KIF16B: variants seen among roughly 807,000 people sequenced by gnomAD.
The protein encoded by KIF16B is kinesin family member 16B.
KIF16B carries 98 observed loss-of-function variants against 156.3 expected under a neutral mutation model. That is an observed-to-expected ratio of 0.63 (90% CI 0.53 to 0.74). The LOEUF is 0.74. Among genes scored for constraint, KIF16B ranks in the 30% least tolerant of loss-of-function variants. The probability of loss-of-function intolerance (pLI) is 0.00; values close to 1 mark genes in which losing one functional copy is unlikely to be tolerated. For synonymous variants in KIF16B, 564 were observed against 583.7 expected, an observed-to-expected ratio of 0.97 and a Z score of 0.49; for missense variants, 1,421 against 1,606.5, an observed-to-expected ratio of 0.88 and a Z score of 1.97.
At chr20:16,497,939 C>T (rs925213362) in intron 10 of KIF16B, among the ~76,000 whole-genome samples, 2 of 146,806 alleles carry the variant, frequency 1.4e-5, no homozygotes, top group Non-Finnish European at 3.1e-5. Context: ...AACATATTGA[C>T]ATTTTACCAA....
chr20:16,338,523 C>T (rs1313660089), intron 23 of KIF16B, among the ~76,000 whole-genome samples: 1 of 152,148 alleles, frequency 6.6e-6, no homozygotes, highest in Non-Finnish European at 1.5e-5. Context: ...ACACCCTGAC[C>T]TCTAATGTCC....
chr20:16,331,392 T>C (rs545994924), intron 24 of KIF16B, among the ~76,000 whole-genome samples: 1 of 152,180 alleles, frequency 6.6e-6, no homozygotes, highest in Non-Finnish European at 1.5e-5. Context: ...TTAGACAAAG[T>C]TCCAAAAGAC....
rs751994693 is a variant in KIF16B, at chr20:16,371,640, G to A, written c.3447+25C>T. 2.1e-5 allele frequency: 28 copies of A among 1,335,548 alleles called. No individual in the cohort carries two copies. In the Middle Eastern group the frequency reaches 5.6e-4, roughly 26 times the overall value. 82.7% of individuals were successfully genotyped at this position (1,335,548 alleles called of 1,614,324 possible). On this transcript the variant is annotated intron_variant, in intron 21 of 25. Transcript: ENST00000354981. The stretch of plus-strand genomic sequence containing the variant: ...GAAAGATGAACGAACTTGTTACTTC[G>A]TGTTACTTGGCTCCTTCAGCTTACC...
chr20:16,561,165 G>A (rs138880918), intron 1 of KIF16B, among the ~76,000 whole-genome samples: 4 of 152,078 alleles, frequency 2.6e-5, no homozygotes, highest in African/African-American at 7.2e-5. Flanking sequence ...GTGGTGGCGG[G>A]TATCTGTAAT....
At chr20:16,466,621 G>A (rs2067498609) in intron 12 of KIF16B, among the ~76,000 whole-genome samples, 1 of 152,190 alleles carries the variant, frequency 6.6e-6, no homozygotes, top group East Asian at 1.9e-4. Flanking sequence ...TGCCACGATT[G>A]TGAGGCCTCC....
chr20:16,528,572 C>A, intron 1 of KIF16B, 132 bp from the exon 2 acceptor site: 1 of 658,138 alleles, frequency 1.5e-6, no homozygotes, highest in Non-Finnish European at 2.7e-6. Context: ...GGAGCAATCC[C>A]AGACACGGCT....
At chr20:16,484,742 T>C (rs2146863736) in intron 12 of KIF16B, among the ~76,000 whole-genome samples, 1 of 152,234 alleles carries the variant, frequency 6.6e-6, no homozygotes, top group East Asian at 1.9e-4. Flanking sequence ...GAGAGACAAA[T>C]GATATCTCAA....
chr20:16,554,105 A>G (rs1175280831), intron 1 of KIF16B, among the ~76,000 whole-genome samples: 2 of 152,172 alleles, frequency 1.3e-5, no homozygotes, highest in Admixed American at 6.5e-5. Flanking sequence ...GGGTAGAAAG[A>G]AGGAGGTGGG....
At chr20:16,545,560 GA>G (rs1358604108) in intron 1 of KIF16B, among the ~76,000 whole-genome samples, 1 of 152,136 alleles carries the variant, frequency 6.6e-6, no homozygotes, top group Non-Finnish European at 1.5e-5. Context: ...AACTACTCAG[GA>G]GGCTGAGGCA....
intron 24 of KIF16B, among the ~76,000 whole-genome samples, chr20:16,326,277 A>G (rs1158669367): frequency 6.7e-6 from 1 of 149,682 alleles, no homozygotes; most frequent in African/African-American, 2.4e-5. Context: ...AGCAAATGCA[A>G]CAAAAAAAAA....
chr20:16,303,740 AAACC>A lies in KIF16B; in HGVS notation c.3795+8591_3795+8594del, dbSNP rs531181044. On this transcript the variant is annotated intron_variant, in intron 25 of 25. Transcript: ENST00000354981. ...ATAAAACATAAAATACTTTGTAACA[AAACC>A]AACCAATCAACAAGCAAAAAACTTT... Among the ~76,000 whole-genome samples the A allele has an allele frequency of 1.7e-3, 257 of 152,334 alleles. 2 individuals are homozygous for A. The highest frequency in any genetic ancestry group is 5.1e-3 in the African/African-American group (212 of 41,564).
chr20:16,440,126 A>AAAGCAAAGAATAGGTCC (rs2066752466), intron 12 of KIF16B, among the ~76,000 whole-genome samples: 2 of 152,270 alleles, frequency 1.3e-5, no homozygotes, highest in South Asian at 4.1e-4. Context: ...GTCCCTGCAG[A>AAAGCAAAGAATAGGTCC]AAGCAAAGAA....
At chr20:16,459,128 TC>T (rs1297610944) in intron 12 of KIF16B, among the ~76,000 whole-genome samples, 1 of 152,192 alleles carries the variant, frequency 6.6e-6, no homozygotes, top group Non-Finnish European at 1.5e-5. Flanking sequence ...TAATTTAATT[TC>T]AAATTTAATT....
In KIF16B at chr20:16,410,297, A is replaced by G. The variant is rs537482954; in HGVS notation, c.1613-3841T>C. ...TATATGTAGGTACGTACCTACATAT[A>G]TATGTGTGTGTGTGTGTGTGTGTAT... On this transcript the variant is annotated intron_variant, in intron 15 of 25. Transcript: ENST00000354981. Among the ~76,000 whole-genome samples the G allele has an allele frequency of 2.9e-4, 42 of 142,602 alleles. 1 individual carries two copies. The highest frequency in any genetic ancestry group is 1.1e-3 in the African/African-American group (41 of 38,174). 93.6% of individuals were successfully genotyped at this position (142,602 alleles called of 152,430 possible).
intron 24 of KIF16B, among the ~76,000 whole-genome samples, chr20:16,318,893 A>G (rs1185122466): frequency 1.3e-5 from 2 of 151,886 alleles, no homozygotes; most frequent in Non-Finnish European, 2.9e-5. Flanking sequence ...CAAATAATAC[A>G]GTGTGGAAAG....
intron 23 of KIF16B, among the ~76,000 whole-genome samples, chr20:16,354,714 G>A (rs942074598): frequency 3.9e-5 from 6 of 152,222 alleles, no homozygotes; most frequent in African/African-American, 9.7e-5. Flanking sequence ...GGGAGGCCAA[G>A]GCAGGTGGAT....
At chr20:16,328,141 C>T (rs887030441) in intron 24 of KIF16B, among the ~76,000 whole-genome samples, 2 of 152,172 alleles carry the variant, frequency 1.3e-5, no homozygotes, top group African/African-American at 4.8e-5. Context: ...TAAATAACCT[C>T]TTGCCTAGTC....
intron 23 of KIF16B, among the ~76,000 whole-genome samples, chr20:16,346,377 G>A (rs369845596): frequency 3.6e-4 from 55 of 152,292 alleles, no homozygotes; most frequent in African/African-American, 1.2e-3. Context: ...ACAGCCATTC[G>A]ATTCAGGAAA....
chr20:16,544,295 C>G (rs2070315775), intron 1 of KIF16B, among the ~76,000 whole-genome samples: 1 of 152,026 alleles, frequency 6.6e-6, no homozygotes, highest in African/African-American at 2.4e-5. Context: ...ATCCAAGTGA[C>G]TTATCCTTCA....
Sources: gnomAD v4.1 joint callset for allele counts (sites outside exome capture counted in the v4.1 genomes callset) on GRCh38, gnomAD v4.1.1 for gene constraint, MANE v1.5 for transcripts, NCBI Gene and HGNC (gene_info 2026-07-23, HGNC 2026-07-21) for gene names.